The following CYP39A1 variants were observed in gnomAD, a reference collection of about 807,000 sequenced individuals.
CYP39A1 encodes the protein 24-hydroxycholesterol 7-alpha-hydroxylase.
In CYP39A1, 49 loss-of-function variants were observed where a neutral mutation model predicts 58.1. The ratio of observed to expected loss-of-function variants is 0.84; its 90% confidence interval spans 0.67 to 1.07. The LOEUF is 1.07. Among genes scored for constraint, CYP39A1 ranks in the 50% least tolerant of loss-of-function variants. The pLI, the probability that CYP39A1 is intolerant of heterozygous loss-of-function variation, is 0.00. For missense variants in CYP39A1, 531 were observed against 539.4 expected, an observed-to-expected ratio of 0.98 and a Z score of 0.16; for synonymous variants, 209 against 187.6, an observed-to-expected ratio of 1.11 and a Z score of -0.93.
intron 7 of CYP39A1, among the ~76,000 whole-genome samples, chr6:46,608,263 C>T (rs968722771): frequency 6.6e-6 from 1 of 152,150 alleles, no homozygotes; most frequent in Non-Finnish European, 1.5e-5. Flanking sequence ...GACAACAATT[C>T]CTGTGAGAAA....
chr6:46,626,061 C>CT (rs11452186), intron 6 of CYP39A1, among the ~76,000 whole-genome samples: 28,507 of 151,438 alleles, frequency 0.19, 2,858 homozygotes, highest in African/African-American at 0.26. Context: ...TTTTTTTTGG[C>CT]TTTTTTTGGC....
chr6:46,648,735 T>A (rs1762484487), intron 1 of CYP39A1, among the ~76,000 whole-genome samples: 1 of 151,818 alleles, frequency 6.6e-6, no homozygotes, highest in South Asian at 2.1e-4. Context: ...ATGATTAAGA[T>A]GCAGAGAGGG....
At position 46,620,568 on chromosome 6, in the gene CYP39A1, C is replaced by T. The variant is rs1229310519; in HGVS notation, c.931+4850G>A. Reference sequence around the variant, plus strand: ...GCTTTGCAGAGGTCTAATGAATTCCCAGGAATTTAGAAGGGCATCCATTTG... The same window carrying T: ...GCTTTGCAGAGGTCTAATGAATTCCTAGGAATTTAGAAGGGCATCCATTTG... On this transcript the variant is annotated intron_variant, in intron 7 of 11. Coordinates refer to ENST00000275016, the MANE Select transcript of CYP39A1 (RefSeq NM_016593.5). Among the ~76,000 whole-genome samples the T allele has an allele frequency of 2.6e-5, 4 of 152,082 alleles. No homozygotes were observed. In the South Asian group the frequency reaches 8.3e-4, roughly 32 times the overall value.
chr6:46,649,473 T>C (rs1353551864), intron 1 of CYP39A1, among the ~76,000 whole-genome samples: 4 of 152,242 alleles, frequency 2.6e-5, no homozygotes, highest in African/African-American at 9.6e-5. Context: ...GAAATCTGAC[T>C]ACCATATGTC....
At position 46,652,190 on chromosome 6, in the gene CYP39A1, T is replaced by C. The variant is rs1238934101; in HGVS notation, c.177+216A>G. Among the ~76,000 whole-genome samples, 17 of 152,238 alleles carry C rather than the reference T, an allele frequency of 1.1e-4. 1 individual carries two copies. Among genetic ancestry groups the C allele is most frequent in the Admixed American group, 9.8e-4 (15 of 15,288 alleles). On this transcript the variant is annotated intron_variant, in intron 1 of 11. Transcript: ENST00000275016. The stretch of plus-strand genomic sequence containing the variant: ...TAATCTCTACTTCCAAAAATGTCGA[T>C]GCACGCTGCAATTGTATTTCATTTC...
At chr6:46,602,506 C>G (rs1055074246) in intron 7 of CYP39A1, among the ~76,000 whole-genome samples, 2 of 151,728 alleles carry the variant, frequency 1.3e-5, no homozygotes, top group Non-Finnish European at 2.9e-5. Flanking sequence ...GGTCCAGGTA[C>G]CACACTCTAA....
chr6:46,557,991 A>G (rs1436726058), intron 10 of CYP39A1, among the ~76,000 whole-genome samples: 1 of 151,664 alleles, frequency 6.6e-6, no homozygotes, highest in Admixed American at 6.6e-5. Flanking sequence ...AATGTGAATC[A>G]TAATCAAATT....
At chr6:46,596,672 G>A (rs534753211) in intron 7 of CYP39A1, among the ~76,000 whole-genome samples, 7 of 151,698 alleles carry the variant, frequency 4.6e-5, no homozygotes, top group Admixed American at 3.3e-4. Flanking sequence ...AAACACAGGT[G>A]CATCAAACTT....
intron 1 of CYP39A1, among the ~76,000 whole-genome samples, chr6:46,647,928 C>T (rs1245252813): frequency 6.6e-6 from 1 of 152,078 alleles, no homozygotes; most frequent in Non-Finnish European, 1.5e-5. Context: ...GTATCACTGG[C>T]CATCAAATAA....
chr6:46,593,949 A>G (rs1258567717), intron 8 of CYP39A1, among the ~76,000 whole-genome samples: 2 of 152,026 alleles, frequency 1.3e-5, no homozygotes, highest in Non-Finnish European at 2.9e-5. Context: ...TATTCCTGTT[A>G]TCTGTTCCCA....
chr6:46,648,648 C>T (rs1468434102), intron 1 of CYP39A1, among the ~76,000 whole-genome samples: 2 of 151,772 alleles, frequency 1.3e-5, no homozygotes, highest in South Asian at 2.1e-4. Flanking sequence ...TGCACATGTA[C>T]CCTAGAACTT....
chr6:46,617,904 TC>T (rs1774712231), intron 7 of CYP39A1, among the ~76,000 whole-genome samples: 1 of 152,132 alleles, frequency 6.6e-6, no homozygotes, highest in Admixed American at 6.6e-5. Flanking sequence ...ACATAAATAG[TC>T]TCATGCTATA....
At chr6:46,625,297 AATTATGTTGAATTTTGG>A (rs1250852393) in intron 7 of CYP39A1, 104 bp downstream of exon 7, 41 of 654,558 alleles carry the variant, frequency 6.3e-5, no homozygotes, top group African/African-American at 6.1e-4. Flanking sequence ...ATATATAACA[AATTATGTTGAATTTTGG>A]ATTATGTTGA....
intron 1 of CYP39A1, 145 bp from the exon 2 acceptor site, chr6:46,642,443 TG>T: frequency 8.1e-6 from 6 of 740,444 alleles, no homozygotes; most frequent in Non-Finnish European, 1.3e-5. Context: ...AAATTTTGAT[TG>T]TTTCAGCCAG....
chr6:46,617,895 CATAA>C (rs1448857648), intron 7 of CYP39A1, among the ~76,000 whole-genome samples: 1 of 152,116 alleles, frequency 6.6e-6, no homozygotes, highest in African/African-American at 2.4e-5. Context: ...CAATATTAGA[CATAA>C]ATAGTCTCAT....
intron 10 of CYP39A1, among the ~76,000 whole-genome samples, chr6:46,584,728 C>G (rs986391561): frequency 2.6e-5 from 4 of 152,212 alleles, no homozygotes; most frequent in Non-Finnish European, 4.4e-5. Flanking sequence ...AACCATAAGG[C>G]CTTAAGCCAC....
In CYP39A1 at chr6:46,549,646, T is replaced by G. The variant is rs1348442214; in HGVS notation, c.*720A>C. The G allele has an allele frequency of 6.6e-6, 1 of 152,194 alleles. No individual in the cohort carries two copies. Among genetic ancestry groups the G allele is most frequent in the Non-Finnish European group, 1.5e-5 (1 of 68,032 alleles). The allele number at this position is 152,194 out of a possible 1,614,324, so 9.4% of individuals were successfully genotyped here. A position where few individuals can be genotyped will look rare whatever the true frequency, so the allele number is the denominator to read the frequency against. On this transcript the variant is annotated 3_prime_UTR_variant, in exon 12 of 12. Coordinates refer to ENST00000275016, the MANE Select transcript of CYP39A1 (RefSeq NM_016593.5). ...CAAAAATATGGTATCTGCCAAACTATAATTGCAAACACTTTGAGTCAAAAC... is the reference window on the plus strand; with the variant it reads ...CAAAAATATGGTATCTGCCAAACTAGAATTGCAAACACTTTGAGTCAAAAC...
intron 8 of CYP39A1, among the ~76,000 whole-genome samples, chr6:46,588,403 A>C (rs1038566912): frequency 6.6e-6 from 1 of 151,972 alleles, no homozygotes; most frequent in African/African-American, 2.4e-5. Flanking sequence ...TCACATGTAC[A>C]TATATTCAGT....
chr6:46,558,330 C>T (rs954296170), intron 10 of CYP39A1, among the ~76,000 whole-genome samples: 3 of 152,116 alleles, frequency 2.0e-5, no homozygotes, highest in African/African-American at 7.2e-5. Flanking sequence ...CCTCAGGAAA[C>T]TTGCAATCAT....
Sources: allele counts gnomAD v4.1 joint callset (sites outside exome capture counted in the v4.1 genomes callset), GRCh38; gene constraint gnomAD v4.1.1; transcripts MANE v1.5; gene names NCBI Gene and HGNC (gene_info 2026-07-23, HGNC 2026-07-21).